ADAMTS14: variants seen among roughly 807,000 people sequenced by gnomAD.
ADAMTS14 encodes the protein ADAM metallopeptidase with thrombospondin type 1 motif 14.
Under a neutral mutation model 128.6 loss-of-function variants are expected in ADAMTS14, and 100 were observed. The observed-to-expected ratio is 0.78, with a 90% CI of 0.66 to 0.92. ADAMTS14 has a LOEUF of 0.92. ADAMTS14 is among the 40% of genes least tolerant of loss of function. The pLI, the probability that ADAMTS14 is intolerant of heterozygous loss-of-function variation, is 0.00. For missense variants in ADAMTS14, 1,562 were observed against 1,658.6 expected, an observed-to-expected ratio of 0.94 and a Z score of 1.01; for synonymous variants, 665 against 653.8, an observed-to-expected ratio of 1.02 and a Z score of -0.26.
At chr10:70,728,930 G>A (rs566463997) in intron 4 of ADAMTS14, among the ~76,000 whole-genome samples, 4 of 152,344 alleles carry the variant, frequency 2.6e-5, no homozygotes, top group Admixed American at 2.6e-4. Context: ...CGAGTGGCCT[G>A]TGGTTCCCTG....
intron 4 of ADAMTS14, among the ~76,000 whole-genome samples, chr10:70,716,520 G>A (rs1196354159): frequency 5.9e-5 from 9 of 152,214 alleles, no homozygotes; most frequent in African/African-American, 2.2e-4. Context: ...GATGGGGACC[G>A]ACAGTCTGCC....
chr10:70,726,777 G>A lies in ADAMTS14; in HGVS notation c.871-2517G>A, dbSNP rs75703451. Among the ~76,000 whole-genome samples the A allele has an allele frequency of 3.5e-3, 528 of 152,268 alleles. 1 individual carries two copies. Among genetic ancestry groups the A allele is most frequent in the Non-Finnish European group, 5.3e-3 (359 of 67,970 alleles). On this transcript the variant is annotated intron_variant, in intron 4 of 21. Transcript: ENST00000373207. ...TATGTGTGTGTGTGACTGATTGGGT[G>A]CCCCCTACTCCACCCTGAAGTCCCT... is the stretch of plus-strand genomic sequence containing the variant.
intron 2 of ADAMTS14, among the ~76,000 whole-genome samples, chr10:70,679,230 C>T (rs2132532265): frequency 6.6e-6 from 1 of 152,266 alleles, no homozygotes; most frequent in East Asian, 1.9e-4. Flanking sequence ...GGCCCCTGAC[C>T]AGCAGAAAGA....
At position 70,744,209 on chromosome 10, in the gene ADAMTS14, G is replaced by T; in HGVS notation, c.2182+20G>T. On this transcript the variant is annotated intron_variant, in intron 14 of 21. Coordinates refer to ENST00000373207, the MANE Select transcript of ADAMTS14 (RefSeq NM_080722.4). ...AGGCAGGTGAGCCGGGCTGGGGCTG[G>T]GGGGATGACGAGGGCTGACTGGAGT... is the stretch of plus-strand genomic sequence containing the variant. 6.6e-7 allele frequency: 1 copy of T among 1,504,768 alleles called. No homozygotes were observed. Among genetic ancestry groups the T allele is most frequent in the Non-Finnish European group, 8.9e-7 (1 of 1,120,002 alleles). The allele number at this position is 1,504,768 out of a possible 1,614,324, so 93.2% of individuals were successfully genotyped here. A position where few individuals can be genotyped will look rare whatever the true frequency, so the allele number is the denominator to read the frequency against.
At chr10:70,739,537 G>T (rs1841932345) in intron 11 of ADAMTS14, among the ~76,000 whole-genome samples, 2 of 151,838 alleles carry the variant, frequency 1.3e-5, no homozygotes, top group African/African-American at 2.4e-5. Flanking sequence ...ATGGTTTTGG[G>T]ATATCTGAGC....
At chr10:70,757,579 G>A (rs1842505623) in intron 19 of ADAMTS14, among the ~76,000 whole-genome samples, 1 of 152,120 alleles carries the variant, frequency 6.6e-6, no homozygotes, top group African/African-American at 2.4e-5. Flanking sequence ...GTTTGCTAGA[G>A]TGATACACAA....
In ADAMTS14 at chr10:70,743,586, A is replaced by G. The variant is rs979626408; in HGVS notation, c.1963A>G (p.Thr655Ala). Residue 655 changes from threonine to alanine, a missense_variant, in exon 13 of 22, where the codon ACG (threonine) becomes GCG (alanine). Coordinates refer to ENST00000373207, the MANE Select transcript of ADAMTS14 (RefSeq NM_080722.4). ...KCELICQSAD[T>A]GDVVFMNQVV... ...TGAGCTGATCTGCCAGTCGGCGGAC[A>G]CGGGGGACGTGGTGTTCATGAACCA... is the stretch of plus-strand genomic sequence containing the variant. 1 of 1,613,026 alleles carries G rather than the reference A, an allele frequency of 6.2e-7. No homozygotes were observed. The highest frequency in any genetic ancestry group is 8.5e-7 in the Non-Finnish European group (1 of 1,179,762).
Position 70,677,743 on chromosome 10 carries a change from C to T in ADAMTS14, c.522+2748C>T, listed in dbSNP as rs576321864. Among the ~76,000 whole-genome samples, 258 of 152,284 alleles carry T rather than the reference C, an allele frequency of 1.7e-3. 1 individual carries two copies. Among genetic ancestry groups the T allele is most frequent in the South Asian group, 3.7e-3 (18 of 4,826 alleles). On this transcript the variant is annotated intron_variant, in intron 2 of 21. Transcript: ENST00000373207. Reference sequence around the variant, plus strand: ...CCTGACTGCCTTCCACTGGGGCCGCCGGCACAGAGGTCACCCCAGGCTGGG... The same window carrying T: ...CCTGACTGCCTTCCACTGGGGCCGCTGGCACAGAGGTCACCCCAGGCTGGG...
At position 70,761,009 on chromosome 10, in the gene ADAMTS14, A is replaced by G. The variant is rs573367496; in HGVS notation, c.*156A>G. The G allele has an allele frequency of 1.3e-5, 15 of 1,114,030 alleles. No homozygotes were observed. Among genetic ancestry groups the G allele is most frequent in the Non-Finnish European group, 1.6e-5 (13 of 823,456 alleles). 69.0% of individuals were successfully genotyped at this position (1,114,030 alleles called of 1,614,324 possible). A position where few individuals can be genotyped will look rare whatever the true frequency, so the allele number is the denominator to read the frequency against. ...TTGGGGCTGTGATGCTCTTTACCCC[A>G]CAAAGCGGGGTGGGAGGAAGACAAA... is the stretch of plus-strand genomic sequence containing the variant. On this transcript the variant is annotated 3_prime_UTR_variant, in exon 22 of 22. Transcript: ENST00000373207.
intron 2 of ADAMTS14, among the ~76,000 whole-genome samples, chr10:70,679,276 G>A (rs900467501): frequency 2.1e-4 from 32 of 152,320 alleles, no homozygotes; most frequent in African/African-American, 7.7e-4. Context: ...ATGTCCAGGG[G>A]CAGGAAATAA....
chr10:70,694,046 G>T (rs927265310), intron 2 of ADAMTS14, among the ~76,000 whole-genome samples: 1 of 152,272 alleles, frequency 6.6e-6, no homozygotes, highest in Admixed American at 6.5e-5. Context: ...TCAGCTTTCA[G>T]ACTTTTTTTG....
intron 2 of ADAMTS14, among the ~76,000 whole-genome samples, chr10:70,686,172 T>C (rs550663573): frequency 7.4e-4 from 113 of 152,306 alleles, no homozygotes; most frequent in African/African-American, 2.2e-3. Context: ...ACAGGCCCCT[T>C]TTTAGAGAAA....
chr10:70,697,515 T>C (rs1247614079), intron 2 of ADAMTS14, among the ~76,000 whole-genome samples: 1 of 152,236 alleles, frequency 6.6e-6, no homozygotes, highest in Non-Finnish European at 1.5e-5. Flanking sequence ...CCTCCCAGTT[T>C]ACATGCACAT....
intron 2 of ADAMTS14, among the ~76,000 whole-genome samples, chr10:70,679,357 A>C (rs890311017): frequency 6.6e-6 from 1 of 152,038 alleles, no homozygotes; most frequent in Non-Finnish European, 1.5e-5. Context: ...CTAGCCTGGG[A>C]TGCTGTTAGA....
intron 4 of ADAMTS14, among the ~76,000 whole-genome samples, chr10:70,726,239 A>G (rs1314956243): frequency 2.0e-5 from 3 of 152,296 alleles, no homozygotes; most frequent in East Asian, 1.9e-4. Flanking sequence ...GGACCTCTCA[A>G]TGTCCTGAGC....
chr10:70,697,552 T>G (rs980074446), intron 2 of ADAMTS14, among the ~76,000 whole-genome samples: 1 of 152,232 alleles, frequency 6.6e-6, no homozygotes, highest in Admixed American at 6.5e-5. Context: ...TAGATGTACT[T>G]TAATGTACAC....
chr10:70,743,403 A>AT, intron 12 of ADAMTS14, 145 bp from the exon 13 acceptor site: 4 of 921,352 alleles, frequency 4.3e-6, no homozygotes, highest in Middle Eastern at 2.5e-4. Flanking sequence ...CACAGCAGGG[A>AT]TTTTCAGCCC....
intron 2 of ADAMTS14, among the ~76,000 whole-genome samples, chr10:70,681,831 CAT>C (rs1444903277): frequency 3.3e-5 from 5 of 152,262 alleles, no homozygotes; most frequent in African/African-American, 4.8e-5. Flanking sequence ...TGCCCTCACA[CAT>C]GTGTGCCTAG....
At chr10:70,678,367 A>G (rs1839705738) in intron 2 of ADAMTS14, among the ~76,000 whole-genome samples, 1 of 152,164 alleles carries the variant, frequency 6.6e-6, no homozygotes, top group Non-Finnish European at 1.5e-5. Flanking sequence ...TTGGTTTTCT[A>G]GAACACAGTG....
Sources: gnomAD v4.1 joint callset for allele counts (sites outside exome capture counted in the v4.1 genomes callset) on GRCh38, gnomAD v4.1.1 for gene constraint, MANE v1.5 for transcripts, NCBI Gene and HGNC (gene_info 2026-07-23, HGNC 2026-07-21) for gene names.